The following PPARGC1A variants were observed in gnomAD, a reference collection of about 807,000 sequenced individuals.
PPARGC1A encodes PPARG coactivator 1 alpha.
PPARGC1A carries 25 observed loss-of-function variants against 88.7 expected under a neutral mutation model. The ratio of observed to expected loss-of-function variants is 0.28; its 90% CI spans 0.21 to 0.39. The LOEUF is 0.39. Among genes scored for constraint, PPARGC1A ranks in the 10% least tolerant of loss-of-function variants. The pLI is 1.00. For synonymous variants in PPARGC1A, 363 were observed against 355.6 expected (o/e 1.02, Z -0.24); for missense variants, 880 against 968.7 (o/e 0.91, Z 1.22).
At chr4:24,460,403 C>G in the PPARGC1A span, among the ~76,000 whole-genome samples, 1 of 152,158 alleles carries the variant, frequency 6.6e-6, no homozygotes, top group Non-Finnish European at 1.5e-5. Context: ...CTTGATTATA[C>G]TAGCACAGTG....
the PPARGC1A span, among the ~76,000 whole-genome samples, chr4:24,424,258 CTTTTTTTTTTT>C: frequency 3.6e-4 from 16 of 44,340 alleles, no homozygotes; most frequent in Admixed American, 8.7e-4. Context: ...TATACACACA[CTTTTTTTTTTT>C]TTTTTTTTTT....
intron 8 of PPARGC1A, among the ~76,000 whole-genome samples, 154 bp from the exon 9 acceptor site, chr4:23,813,279 A>C (rs1380508269): frequency 3.3e-5 from 5 of 152,166 alleles, no homozygotes; most frequent in African/African-American, 7.2e-5. Context: ...GTTTGTGATC[A>C]TCTAGTCAAC....
the PPARGC1A span, among the ~76,000 whole-genome samples, chr4:24,257,572 A>G: frequency 1.3e-5 from 2 of 152,202 alleles, 1 homozygote; most frequent in South Asian, 4.1e-4. Context: ...GCCCTTTTGC[A>G]GCCTTTGCCA....
the PPARGC1A span, among the ~76,000 whole-genome samples, chr4:24,273,695 C>G: frequency 6.6e-6 from 1 of 150,396 alleles, no homozygotes. Context: ...ATGGACGAGA[C>G]TCTAAAATAG....
the PPARGC1A span, among the ~76,000 whole-genome samples, chr4:24,170,353 G>A: frequency 2.6e-5 from 4 of 152,150 alleles, no homozygotes; most frequent in African/African-American, 9.7e-5. Flanking sequence ...GCAGCTAAGT[G>A]GACATTAATG....
At chr4:24,341,029 C>G in the PPARGC1A span, among the ~76,000 whole-genome samples, 1 of 152,010 alleles carries the variant, frequency 6.6e-6, no homozygotes, top group Non-Finnish European at 1.5e-5. Flanking sequence ...TTCTGAAACA[C>G]CCAAGAACTT....
the PPARGC1A span, among the ~76,000 whole-genome samples, chr4:24,387,896 AAAAG>A: frequency 2.8e-5 from 3 of 107,356 alleles, no homozygotes; most frequent in Non-Finnish European, 5.5e-5. Flanking sequence ...GAAAGAAAGA[AAAAG>A]AAAGAGAAAG....
At chr4:24,047,748 C>G in the PPARGC1A span, among the ~76,000 whole-genome samples, 1 of 152,108 alleles carries the variant, frequency 6.6e-6, no homozygotes, top group Non-Finnish European at 1.5e-5. Flanking sequence ...TAAACCAGGC[C>G]TATCTCAGGC....
chr4:24,264,031 G>T, the PPARGC1A span, among the ~76,000 whole-genome samples: 1 of 152,118 alleles, frequency 6.6e-6, no homozygotes, highest in Admixed American at 6.5e-5. Context: ...GATTACAGGT[G>T]TGAACCACCT....
At chr4:24,075,550 AT>A in the PPARGC1A span, among the ~76,000 whole-genome samples, 1 of 152,160 alleles carries the variant, frequency 6.6e-6, no homozygotes. Flanking sequence ...CCACCCAAAT[AT>A]CATCTTGAAT....
At chr4:24,464,642 G>C in the PPARGC1A span, among the ~76,000 whole-genome samples, 12 of 152,254 alleles carry the variant, frequency 7.9e-5, no homozygotes, top group Admixed American at 6.5e-4. Context: ...GACGTTCACT[G>C]GGCTTTTAGC....
At chr4:23,866,507 A>G (rs1463531964) in intron 2 of PPARGC1A, among the ~76,000 whole-genome samples, 1 of 152,222 alleles carries the variant, frequency 6.6e-6, no homozygotes, top group South Asian at 2.1e-4. Flanking sequence ...TCTTAACACA[A>G]GATAGGCCGA....
rs1483453738 is a variant in PPARGC1A at position 23,828,407 on chromosome 4, G to A, written c.750C>T (p.His250=). Residue 250 remains histidine (H), a synonymous_variant, in exon 5 of 13, where the codon CAC becomes CAT. Coordinates refer to ENST00000264867, the MANE Select transcript of PPARGC1A (RefSeq NM_013261.5). Reference sequence around the variant, plus strand: ...TTTTGGTCCCCAGCCTACCTTGTAAGTGTTGTGACTGCGACTGTGTGTGGG... The same window carrying A: ...TTTTGGTCCCCAGCCTACCTTGTAAATGTTGTGACTGCGACTGTGTGTGGG... ...KKSHTQSQSQ[H]LQAKPTTLSL... 2.5e-6 allele frequency: 4 copies of A among 1,613,160 alleles called. No homozygotes were observed. Among genetic ancestry groups the A allele is most frequent in the East Asian group, 2.2e-5 (1 of 44,860 alleles).
intron 7 of PPARGC1A, among the ~76,000 whole-genome samples, chr4:23,818,915 C>T (rs1258565626): frequency 1.8e-5 from 2 of 113,568 alleles, no homozygotes; most frequent in Non-Finnish European, 3.3e-5. Flanking sequence ...CTGCAACTTA[C>T]TTTCAAGTTT....
the PPARGC1A span, among the ~76,000 whole-genome samples, chr4:24,224,977 C>T: frequency 8.5e-5 from 13 of 152,210 alleles, no homozygotes; most frequent in Non-Finnish European, 1.2e-4. Context: ...AAGCATGTCA[C>T]GCATGTTCAA....
chr4:24,200,966 G>A, the PPARGC1A span, among the ~76,000 whole-genome samples: 2 of 152,008 alleles, frequency 1.3e-5, no homozygotes, highest in Non-Finnish European at 2.9e-5. Flanking sequence ...TATTCACTCA[G>A]CAAACATTTA....
chr4:24,324,430 C>A, the PPARGC1A span, among the ~76,000 whole-genome samples: 2 of 152,038 alleles, frequency 1.3e-5, no homozygotes, highest in African/African-American at 4.8e-5. Flanking sequence ...AAGAACCCCC[C>A]ACCCCTTCTC....
At chr4:24,154,573 CT>C in the PPARGC1A span, among the ~76,000 whole-genome samples, 1 of 152,204 alleles carries the variant, frequency 6.6e-6, no homozygotes, top group South Asian at 2.1e-4. Flanking sequence ...GACTTCCTCT[CT>C]GCTTTCTCAT....
chr4:24,324,721 T>G, the PPARGC1A span, among the ~76,000 whole-genome samples: 1,816 of 152,048 alleles, frequency 0.012, 19 homozygotes, highest in South Asian at 0.019. Flanking sequence ...GGTCTGAGGT[T>G]CCTGACGTCC....
Sources: allele counts gnomAD v4.1 joint callset (sites outside exome capture counted in the v4.1 genomes callset), GRCh38; gene constraint gnomAD v4.1.1; transcripts MANE v1.5; gene names NCBI Gene and HGNC (gene_info 2026-07-23, HGNC 2026-07-21).